ST7: variants seen among roughly 807,000 people sequenced by gnomAD.
The protein encoded by ST7 is suppressor of tumorigenicity 7 protein.
Under a neutral mutation model 78.7 loss-of-function variants are expected in ST7, and 28 were observed. That is an observed-to-expected ratio of 0.36 (90% CI 0.26 to 0.49). The LOEUF is 0.49. Ranked by LOEUF, ST7 falls within the 20% of genes least tolerant of loss-of-function variation. The pLI, the probability that ST7 is intolerant of heterozygous loss-of-function variation, is 0.99. For missense variants in ST7, 418 were observed against 696.0 expected (o/e 0.60, Z 4.49); for synonymous variants, 247 against 249.6 (o/e 0.99, Z 0.10).
At chr7:117,129,126 G>A (rs984042978) in intron 3 of ST7, among the ~76,000 whole-genome samples, 22 of 151,816 alleles carry the variant, frequency 1.4e-4, no homozygotes, top group African/African-American at 5.3e-4. Context: ...GTATAATAAA[G>A]AGGTATGACC....
intron 6 of ST7, among the ~76,000 whole-genome samples, chr7:117,133,831 C>T (rs546363513): frequency 6.6e-6 from 1 of 151,892 alleles, no homozygotes; most frequent in East Asian, 1.9e-4. Flanking sequence ...AAAAATCTGA[C>T]CTGGGAGAAA....
intron 1 of ST7, chr7:116,972,336 A>G (rs1793468853): frequency 3.3e-6 from 2 of 603,652 alleles, no homozygotes; most frequent in African/African-American, 3.7e-5. Context: ...ATTTATCAGT[A>G]AGAATCTTGA....
At chr7:117,127,926 A>G (rs1236221156) in intron 3 of ST7, among the ~76,000 whole-genome samples, 1 of 151,888 alleles carries the variant, frequency 6.6e-6, no homozygotes, top group East Asian at 1.9e-4. Flanking sequence ...TTAATTGAAA[A>G]CAGTTTTCTT....
intron 1 of ST7, among the ~76,000 whole-genome samples, chr7:117,001,753 T>TA (rs1794940869): frequency 2.0e-5 from 3 of 151,946 alleles, no homozygotes; most frequent in South Asian, 4.1e-4. Flanking sequence ...GGGGTATATT[T>TA]AAAAAAAAGT....
At chr7:117,059,955 C>A (rs1798266165) in intron 1 of ST7, among the ~76,000 whole-genome samples, 2 of 152,144 alleles carry the variant, frequency 1.3e-5, no homozygotes, top group Middle Eastern at 3.4e-3. Context: ...CCCACTTCAC[C>A]CTGGGCAACA....
At chr7:117,003,362 A>G (rs1317208623) in intron 1 of ST7, among the ~76,000 whole-genome samples, 3 of 151,782 alleles carry the variant, frequency 2.0e-5, no homozygotes, top group Admixed American at 6.6e-5. Flanking sequence ...CAGTGGCCCA[A>G]TCTTGGCACA....
chr7:117,211,147 A>C (rs1235420929), intron 13 of ST7, among the ~76,000 whole-genome samples: 1 of 152,214 alleles, frequency 6.6e-6, no homozygotes, highest in African/African-American at 2.4e-5. Context: ...AGTTGATTGA[A>C]AATTTTTGTT....
chr7:117,136,105 G>A lies in ST7; in HGVS notation c.735G>A (p.Leu245=). The change falls in exon 8 of 16, where the codon TTG becomes TTA. Residue 245 remains leucine, a synonymous_variant. Coordinates refer to ENST00000323984, the MANE Select transcript of ST7 (RefSeq NM_001369598.1). ...GGTGTGCAACTGCTTATATTCTCTT[G>A]GCTGAAGAGGAAGCAACAACCATTG... ...LPKCATAYIL[L]AEEEATTIAE... is the part of the protein sequence containing the mutation. The A allele has an allele frequency of 6.2e-7, 1 of 1,613,342 alleles. No individual in the cohort carries two copies. The highest frequency in any genetic ancestry group is 8.5e-7 in the Non-Finnish European group (1 of 1,179,510).
chr7:117,221,852 C>T, intron 14 of ST7, 71 bp from the exon 15 acceptor site: 1 of 1,473,706 alleles, frequency 6.8e-7, no homozygotes, highest in Non-Finnish European at 9.0e-7. Flanking sequence ...GAGTCAGTGC[C>T]ACCATAAAGA....
intron 1 of ST7, among the ~76,000 whole-genome samples, chr7:116,962,380 G>T (rs571074240): frequency 1.3e-5 from 2 of 152,244 alleles, no homozygotes; most frequent in East Asian, 1.9e-4. Flanking sequence ...TTCCACAAAG[G>T]TTGAACTAAT....
At chr7:117,129,948 CTA>C in intron 4 of ST7, 101 bp downstream of exon 4, 1 of 791,592 alleles carries the variant, frequency 1.3e-6, no homozygotes, top group South Asian at 1.8e-5. Context: ...TTGTAACAGT[CTA>C]TGTAGTGCGT....
Position 117,111,859 on chromosome 7 carries a change from AGTG to A in ST7, c.235-7699_235-7697del, listed in dbSNP as rs575923250. Among the ~76,000 whole-genome samples, 268 of 150,838 alleles carry A rather than the reference AGTG, an allele frequency of 1.8e-3. 2 individuals are homozygous for A. Among genetic ancestry groups the A allele is most frequent in the African/African-American group, 6.1e-3 (252 of 41,448 alleles). ...CTCTGGATTTTGCTTCGCTTTTGAG[AGTG>A]GTAAGGTGGATATGTGCAGAAAATG... On this transcript the variant is annotated intron_variant, in intron 2 of 15. Transcript: ENST00000323984.
intron 9 of ST7, among the ~76,000 whole-genome samples, chr7:117,152,016 G>A (rs1025965170): frequency 2.0e-5 from 3 of 151,440 alleles, no homozygotes; most frequent in East Asian, 1.9e-4. Context: ...CTACTTGGGA[G>A]GCTGAGGCAG....
intron 1 of ST7, among the ~76,000 whole-genome samples, chr7:117,001,812 C>T (rs1476929809): frequency 2.6e-5 from 4 of 152,070 alleles, no homozygotes; most frequent in Non-Finnish European, 5.9e-5. Flanking sequence ...ATGGCAGGAT[C>T]CTTTTGTTGT....
In ST7 at chr7:117,119,675, A is replaced by T; in HGVS notation, c.349A>T (p.Asn117Tyr). 1 of 1,613,762 alleles carries T rather than the reference A, an allele frequency of 6.2e-7. No individual in the cohort carries two copies. Residue 117 changes from asparagine to tyrosine, a missense_variant, in exon 3 of 16, where the codon AAT (asparagine) becomes TAT (tyrosine). By Grantham distance (143) the Asn-to-Tyr change is moderately radical. Coordinates refer to ENST00000323984, the MANE Select transcript of ST7 (RefSeq NM_001369598.1). ...TGACAACAACTCTTCCAACAATTCT[A>T]ATTCCAGTAACGGGGACTCAGATTC... is the stretch of plus-strand genomic sequence containing the variant. ...GVDNNSSNNS[N>Y]SSNGDSDSNR... is the part of the protein sequence containing the mutation.
chr7:117,163,211 C>T lies in ST7; in HGVS notation c.964-7651C>T, dbSNP rs563608305. Among the ~76,000 whole-genome samples, 5 of 152,280 alleles carry T rather than the reference C, an allele frequency of 3.3e-5. No individual in the cohort carries two copies. The East Asian group carries it at 9.6e-4, about 29-fold the overall frequency. On this transcript the variant is annotated intron_variant, in intron 9 of 15. Coordinates refer to ENST00000323984, the MANE Select transcript of ST7 (RefSeq NM_001369598.1). ...CACCTGTGTTGATTCCATGTCTTGG[C>T]TATTGTGAATAGTGCTGTAGTAAAG...
intron 12 of ST7, among the ~76,000 whole-genome samples, chr7:117,208,059 A>G (rs1456538652): frequency 3.3e-5 from 5 of 152,204 alleles, no homozygotes; most frequent in Non-Finnish European, 5.9e-5. Context: ...AACTCCGAAC[A>G]TAAAATCCAC....
At chr7:117,184,029 G>C (rs1809013915) in intron 10 of ST7, 1 of 152,246 alleles carries the variant, frequency 6.6e-6, no homozygotes, top group South Asian at 2.1e-4. Context: ...GATTCCATTT[G>C]TGTGAAGTTC....
chr7:117,092,223 G>A (rs1444947420), intron 1 of ST7, among the ~76,000 whole-genome samples: 1 of 132,872 alleles, frequency 7.5e-6, no homozygotes, highest in African/African-American at 2.8e-5. Flanking sequence ...AGCTTGCAGT[G>A]AGCCAAGATC....
Sources: allele counts gnomAD v4.1 joint callset (sites outside exome capture counted in the v4.1 genomes callset), GRCh38; gene constraint gnomAD v4.1.1; transcripts MANE v1.5; gene names NCBI Gene and HGNC (gene_info 2026-07-23, HGNC 2026-07-21).